Variants in SCAPER observed in about 807,000 individuals in gnomAD.
SCAPER encodes the protein S-phase cyclin A associated protein in the ER, also known as S phase cyclin A-associated protein in the endoplasmic reticulum.
Under a neutral mutation model 182.2 loss-of-function variants are expected in SCAPER, and 98 were observed. The ratio of observed to expected loss-of-function variants is 0.54; its 90% CI spans 0.46 to 0.64. SCAPER has a LOEUF of 0.64. Among genes scored for constraint, SCAPER ranks in the 30% least tolerant of loss-of-function variants. The pLI is 0.00. For missense variants in SCAPER, 1,432 were observed against 1,690.0 expected (o/e 0.85, Z 2.68); for synonymous variants, 605 against 564.6 (o/e 1.07, Z -1.01).
intron 22 of SCAPER, among the ~76,000 whole-genome samples, chr15:76,582,488 G>T (rs535008449): frequency 1.3e-5 from 2 of 152,238 alleles, no homozygotes; most frequent in East Asian, 3.9e-4. Context: ...TAGAATGAAA[G>T]AATATTGTTA....
chr15:76,776,883 T>C (rs1403736914), intron 8 of SCAPER, among the ~76,000 whole-genome samples: 6 of 151,976 alleles, frequency 3.9e-5, no homozygotes, highest in Admixed American at 2.0e-4. Context: ...AAGGAGAGTA[T>C]AGGAAAAAGA....
At chr15:76,723,178 C>T (rs1407638507) in intron 17 of SCAPER, among the ~76,000 whole-genome samples, 2 of 152,070 alleles carry the variant, frequency 1.3e-5, no homozygotes, top group East Asian at 1.9e-4. Flanking sequence ...GCCTTCATTT[C>T]ATTATTTACC....
intron 25 of SCAPER, among the ~76,000 whole-genome samples, chr15:76,468,472 A>C (rs2049864486): frequency 6.6e-6 from 1 of 152,122 alleles, no homozygotes; most frequent in African/African-American, 2.4e-5. Context: ...GGTTACAACG[A>C]AGGTTATTCA....
chr15:76,503,648 C>A (rs115666122), intron 24 of SCAPER, among the ~76,000 whole-genome samples: 2 of 152,078 alleles, frequency 1.3e-5, no homozygotes, highest in Non-Finnish European at 2.9e-5. Flanking sequence ...AGTAGCACCA[C>A]GAGGTGAATA....
At chr15:76,742,780 AC>A (rs1791419578) in intron 15 of SCAPER, among the ~76,000 whole-genome samples, 1 of 152,154 alleles carries the variant, frequency 6.6e-6, no homozygotes, top group Admixed American at 6.5e-5. Context: ...TGGAAAAAAA[AC>A]ATCTTGAGTA....
chr15:76,350,158 C>T (rs2040437251), intron 31 of SCAPER: 1 of 152,196 alleles, frequency 6.6e-6, no homozygotes, highest in Non-Finnish European at 1.5e-5. Flanking sequence ...CAGGGCAGAA[C>T]TGAACTTGCA....
chr15:76,767,590 CTCA>C (rs2063192408), intron 10 of SCAPER, among the ~76,000 whole-genome samples: 1 of 151,816 alleles, frequency 6.6e-6, no homozygotes, highest in Non-Finnish European at 1.5e-5. Context: ...TTAATAAATC[CTCA>C]TGAGAAGCTA....
At chr15:76,682,978 G>A (rs2057817750) in intron 20 of SCAPER, among the ~76,000 whole-genome samples, 1 of 152,082 alleles carries the variant, frequency 6.6e-6, no homozygotes, top group African/African-American at 2.4e-5. Flanking sequence ...AAGATCTGTG[G>A]CAACTCAAAA....
At chr15:76,742,183 A>T (rs891734769) in intron 15 of SCAPER, among the ~76,000 whole-genome samples, 4 of 151,938 alleles carry the variant, frequency 2.6e-5, no homozygotes, top group Non-Finnish European at 5.9e-5. Flanking sequence ...CTCAAAGGCA[A>T]ATATAGTTGC....
At chr15:76,585,395 T>G (rs1597513899) in intron 22 of SCAPER, among the ~76,000 whole-genome samples, 1 of 151,760 alleles carries the variant, frequency 6.6e-6, no homozygotes, top group Non-Finnish European at 1.5e-5. Flanking sequence ...TGGGCTAGAG[T>G]CACATCCAAT....
chr15:76,651,252 G>A lies in SCAPER; in HGVS notation c.2645+14401C>T, dbSNP rs558246213. Among the ~76,000 whole-genome samples the A allele has an allele frequency of 8.5e-5, 13 of 152,112 alleles. No individual in the cohort carries two copies. The South Asian group carries it at 1.5e-3, about 17-fold the overall frequency. Reference sequence around the variant, plus strand: ...ATTGATAAATTCTAGACCAGAGATCGGGGGGAACGAAGGAAGAAAAGACAA... The same window carrying A: ...ATTGATAAATTCTAGACCAGAGATCAGGGGGAACGAAGGAAGAAAAGACAA... On this transcript the variant is annotated intron_variant, in intron 21 of 31. Transcript: ENST00000563290.
intron 22 of SCAPER, among the ~76,000 whole-genome samples, chr15:76,609,135 T>G (rs1200807528): frequency 4.6e-5 from 7 of 152,178 alleles, no homozygotes; most frequent in Admixed American, 2.6e-4. Context: ...AGCTGTAGAC[T>G]GGAGCTGTTC....
At chr15:76,685,979 G>C (rs1212503176) in intron 20 of SCAPER, among the ~76,000 whole-genome samples, 1 of 151,992 alleles carries the variant, frequency 6.6e-6, no homozygotes, top group East Asian at 1.9e-4. Context: ...ACACTTAATG[G>C]AAAATGCAGG....
chr15:76,617,350 C>G (rs193176162), intron 22 of SCAPER, among the ~76,000 whole-genome samples: 1 of 152,310 alleles, frequency 6.6e-6, no homozygotes, highest in African/African-American at 2.4e-5. Context: ...CATTTACTGG[C>G]TAATCTATCC....
intron 23 of SCAPER, among the ~76,000 whole-genome samples, chr15:76,568,837 T>C (rs557904712): frequency 1.8e-4 from 27 of 152,144 alleles, no homozygotes; most frequent in Non-Finnish European, 2.6e-4. Context: ...ATAGTGAGTT[T>C]TCCAATCCAT....
intron 5 of SCAPER, among the ~76,000 whole-genome samples, chr15:76,805,867 G>A (rs996388699): frequency 5.9e-5 from 9 of 151,982 alleles, no homozygotes; most frequent in African/African-American, 9.7e-5. Context: ...GTGCCCAGCC[G>A]ACATTTGTAT....
intron 26 of SCAPER, among the ~76,000 whole-genome samples, chr15:76,432,372 G>T (rs754222472): frequency 1.3e-5 from 2 of 152,236 alleles, no homozygotes; most frequent in African/African-American, 2.4e-5. Flanking sequence ...GATAGAAGGG[G>T]TAAGTGAACA....
intron 2 of SCAPER, among the ~76,000 whole-genome samples, chr15:76,866,535 T>A (rs2072315294): frequency 6.6e-6 from 1 of 152,150 alleles, no homozygotes; most frequent in African/African-American, 2.4e-5. Context: ...AGACTTTGAT[T>A]TTATTCTTAA....
intron 4 of SCAPER, among the ~76,000 whole-genome samples, chr15:76,844,621 T>C (rs2069855789): frequency 6.6e-6 from 1 of 152,098 alleles, no homozygotes; most frequent in South Asian, 2.1e-4. Context: ...CTAGAGAGAA[T>C]GGATAAATTC....
Sources: gnomAD v4.1 joint callset for allele counts (sites outside exome capture counted in the v4.1 genomes callset) on GRCh38, gnomAD v4.1.1 for gene constraint, MANE v1.5 for transcripts, NCBI Gene and HGNC (gene_info 2026-07-23, HGNC 2026-07-21) for gene names.